The following CMIP variants were observed in gnomAD, a reference collection of about 807,000 sequenced individuals.
CMIP encodes the protein c-Maf inducing protein, also known as C-Maf-inducing protein.
A neutral mutation model predicts 97.3 loss-of-function variants in CMIP; 13 were observed. The ratio of observed to expected loss-of-function variants is 0.13; its 90% CI spans 0.09 to 0.21. The LOEUF is 0.21. Ranked by LOEUF, CMIP falls within the 10% of genes least tolerant of loss-of-function variation. The pLI, the probability that CMIP is intolerant of heterozygous loss-of-function variation, is 1.00. For synonymous variants in CMIP, 538 were observed against 436.3 expected (o/e 1.23, Z -2.91); for missense variants, 847 against 1,024.9 (o/e 0.83, Z 2.37).
chr16:81,630,678 C>T, intron 3 of CMIP: 1 of 152,168 alleles, frequency 6.6e-6, no homozygotes, highest in South Asian at 2.1e-4. Flanking sequence ...GGGAGTCGGC[C>T]TTGATCCCCT....
chr16:81,447,524 G>C (rs1905935215), intron 1 of CMIP, among the ~76,000 whole-genome samples: 1 of 152,160 alleles, frequency 6.6e-6, no homozygotes, highest in Non-Finnish European at 1.5e-5. Context: ...GCTCACCTTG[G>C]CCAGCCCAGG....
At chr16:81,546,224 C>G (rs1399411892) in intron 1 of CMIP, among the ~76,000 whole-genome samples, 2 of 152,188 alleles carry the variant, frequency 1.3e-5, no homozygotes, top group African/African-American at 4.8e-5. Context: ...CGATCCTTCT[C>G]TCTGAGTCAA....
chr16:81,678,513 G>A lies in CMIP; in HGVS notation c.1273G>A (p.Glu425Lys). 6.2e-7 allele frequency: 1 copy of A among 1,603,242 alleles called. No homozygotes were observed. Among genetic ancestry groups the A allele is most frequent in the Non-Finnish European group, 8.5e-7 (1 of 1,175,800 alleles). Residue 425 changes from glutamate (E) to lysine (K), a missense_variant, in exon 10 of 21, where the codon GAG (glutamate) becomes AAG (lysine). Physicochemically the swap from Glu to Lys is moderately conservative, Grantham distance 56. Around this residue, in one of 4 missense-constraint regions of CMIP, gnomAD observed 202 missense variants for 168.7 expected, o/e 1.20. Transcript: ENST00000537098. ...ALTASAGNDSEPNLIDCLMVS... is the reference protein window; with the variant it reads ...ALTASAGNDSKPNLIDCLMVS... The stretch of plus-strand genomic sequence containing the variant: ...GACGGCCAGCGCAGGCAACGACAGC[G>A]AGCCCAACCTCATCGACTGCCTCAT...
intron 2 of CMIP, chr16:81,610,558 C>A (rs1470336316): frequency 5.1e-5 from 50 of 984,530 alleles, no homozygotes; most frequent in Non-Finnish European, 5.8e-5. Context: ...CAGCCCCTGC[C>A]CCTGGCGGCT....
chr16:81,493,456 G>A (rs1597473343), intron 1 of CMIP, among the ~76,000 whole-genome samples: 1 of 152,138 alleles, frequency 6.6e-6, no homozygotes, highest in Non-Finnish European at 1.5e-5. Flanking sequence ...AGGATTAAAC[G>A]AAGTACGAAA....
chr16:81,648,682 C>T (rs1254052303), intron 3 of CMIP, among the ~76,000 whole-genome samples: 1 of 147,970 alleles, frequency 6.8e-6, no homozygotes, highest in African/African-American at 2.5e-5. Flanking sequence ...TCTTGGGAGG[C>T]TGAGGCAGGA....
intron 3 of CMIP, among the ~76,000 whole-genome samples, chr16:81,626,353 G>A (rs918841569): frequency 1.3e-5 from 2 of 151,524 alleles, no homozygotes; most frequent in African/African-American, 4.9e-5. Context: ...GGTGTGTGAG[G>A]TGACTGTTTT....
At chr16:81,549,181 G>C (rs2090606389) in intron 1 of CMIP, among the ~76,000 whole-genome samples, 1 of 152,238 alleles carries the variant, frequency 6.6e-6, no homozygotes, top group Non-Finnish European at 1.5e-5. Flanking sequence ...CCTAAGTGCA[G>C]GTTGCAGGAT....
At chr16:81,447,070 T>C (rs1432078727) in intron 1 of CMIP, among the ~76,000 whole-genome samples, 2 of 152,116 alleles carry the variant, frequency 1.3e-5, no homozygotes, top group Non-Finnish European at 2.9e-5. Flanking sequence ...GCCGCAGCAT[T>C]TGGCTTTCCA....
intron 1 of CMIP, among the ~76,000 whole-genome samples, chr16:81,468,513 G>A (rs983459824): frequency 2.0e-5 from 3 of 152,276 alleles, no homozygotes; most frequent in East Asian, 1.9e-4. Context: ...GGGCCTGCGC[G>A]TGCCGTGCCC....
At chr16:81,703,595 A>G (rs1907671509) in intron 17 of CMIP, among the ~76,000 whole-genome samples, 1 of 145,558 alleles carries the variant, frequency 6.9e-6, no homozygotes, top group Non-Finnish European at 1.5e-5. Context: ...ATATACACAC[A>G]TACAGGCACA....
chr16:81,481,356 C>T lies in CMIP; in HGVS notation c.300+35815C>T, dbSNP rs975286650. 2.6e-5 allele frequency among the ~76,000 whole-genome samples: 4 copies of T among 151,940 alleles called. 1 individual carries two copies. In the South Asian group the frequency reaches 6.2e-4, roughly 24 times the overall value. On this transcript the variant is annotated intron_variant, in intron 1 of 20. Coordinates refer to ENST00000537098, the MANE Select transcript of CMIP (RefSeq NM_198390.3). ...CAGGTGTACAGGTGAGGGCCTTGAGCGACTGTGTGTAACAGATGAGGACAG... is the reference window on the plus strand; with the variant it reads ...CAGGTGTACAGGTGAGGGCCTTGAGTGACTGTGTGTAACAGATGAGGACAG...
intron 3 of CMIP, among the ~76,000 whole-genome samples, chr16:81,648,104 G>C (rs1201745152): frequency 6.7e-6 from 1 of 150,058 alleles, no homozygotes; most frequent in African/African-American, 2.5e-5. Flanking sequence ...TGTGGATCTT[G>C]TTTCTGGATC....
In CMIP at chr16:81,614,339, G is replaced by C. The variant is rs187601316; in HGVS notation, c.427-6537G>C. On this transcript the variant is annotated intron_variant, in intron 2 of 20. Coordinates refer to ENST00000537098, the MANE Select transcript of CMIP (RefSeq NM_198390.3). The surrounding 1 kb of genome is among the most constrained non-coding windows in gnomAD (Gnocchi z 5.3). ...AACTTGTGCTGTGTGTCCACCATGG[G>C]CCAGTGGGGGAAGGGAGTGTGCCAA... is the stretch of plus-strand genomic sequence containing the variant. Among the ~76,000 whole-genome samples the C allele has an allele frequency of 6.6e-6, 1 of 152,350 alleles. No homozygotes were observed. Among genetic ancestry groups the C allele is most frequent in the East Asian group, 1.9e-4 (1 of 5,188 alleles).
intron 1 of CMIP, among the ~76,000 whole-genome samples, chr16:81,459,496 C>T (rs1180855977): frequency 2.6e-5 from 4 of 152,200 alleles, no homozygotes; most frequent in Admixed American, 6.5e-5. Flanking sequence ...GATGGAAACC[C>T]GCCGTTGGGA....
chr16:81,570,170 T>C (rs996897357), intron 1 of CMIP, among the ~76,000 whole-genome samples: 2 of 152,146 alleles, frequency 1.3e-5, no homozygotes, highest in Admixed American at 6.5e-5. Flanking sequence ...ACAGCTGTAG[T>C]TTTTTTGTGT....
intron 1 of CMIP, among the ~76,000 whole-genome samples, chr16:81,468,897 G>A (rs1907363470): frequency 6.6e-6 from 1 of 152,366 alleles, no homozygotes; most frequent in East Asian, 1.9e-4. Context: ...CTGGGGGCTG[G>A]TGGAATTGTG....
chr16:81,689,647 T>G (rs2151076452), intron 10 of CMIP, among the ~76,000 whole-genome samples: 1 of 152,368 alleles, frequency 6.6e-6, no homozygotes, highest in Admixed American at 6.5e-5. Context: ...GTGCAGAAGC[T>G]CTTTAGTTTA....
chr16:81,446,907 G>A (rs1243386075), intron 1 of CMIP, among the ~76,000 whole-genome samples: 1 of 143,718 alleles, frequency 7.0e-6, no homozygotes, highest in Non-Finnish European at 1.5e-5. Context: ...TTTGGGGTCC[G>A]ACATGCTTAG....
Sources: gnomAD v4.1 joint callset for allele counts (sites outside exome capture counted in the v4.1 genomes callset) on GRCh38, gnomAD v4.1.1 for gene constraint, gnomAD v4.1.1 regional missense constraint, Gnocchi (gnomAD v3.1) non-coding constraint, MANE v1.5 for transcripts, NCBI Gene and HGNC (gene_info 2026-07-23, HGNC 2026-07-21) for gene names.